MAP4K3: variants seen among roughly 807,000 people sequenced by gnomAD.
The protein encoded by MAP4K3 is MAPK/ERK kinase kinase kinase 3.
A neutral mutation model predicts 143.5 loss-of-function variants in MAP4K3; 94 were observed. The observed-to-expected ratio is 0.65, with a 90% CI of 0.55 to 0.78. MAP4K3 has a LOEUF of 0.78. Among genes scored for constraint, MAP4K3 ranks in the 30% least tolerant of loss-of-function variants. MAP4K3 has a pLI of 0.00. For missense variants in MAP4K3, 1,077 were observed against 1,068.1 expected, an observed-to-expected ratio of 1.01 and a Z score of -0.12; for synonymous variants, 416 against 347.2, an observed-to-expected ratio of 1.20 and a Z score of -2.20.
rs769730017 is a variant in MAP4K3 at position 39,299,730 on chromosome 2, G to T, written c.1178+13C>A. On this transcript the variant is annotated intron_variant, in intron 16 of 33. Transcript: ENST00000263881. ...CTTGAATTTAAATTAAGTTTTAAAA[G>T]AACTTTACTTACTTGTTTGCACCTA... is the stretch of plus-strand genomic sequence containing the variant. 4 of 1,498,112 alleles carry T rather than the reference G, an allele frequency of 2.7e-6. No homozygotes were observed. Among genetic ancestry groups the T allele is most frequent in the Admixed American group, 2.1e-5 (1 of 46,748 alleles). 92.8% of individuals were successfully genotyped at this position (1,498,112 alleles called of 1,614,324 possible).
chr2:39,268,561 TC>T (rs772164435), intron 26 of MAP4K3, among the ~76,000 whole-genome samples: 141 of 151,424 alleles, frequency 9.3e-4, no homozygotes, highest in Admixed American at 3.0e-3. Context: ...GCTCAGGTGA[TC>T]CGTCCGCCTC....
chr2:39,334,635 T>C (rs1001275827), intron 6 of MAP4K3, among the ~76,000 whole-genome samples: 39 of 152,146 alleles, frequency 2.6e-4, no homozygotes, highest in Non-Finnish European at 1.0e-4. Context: ...TTGGCCTTTC[T>C]TCAGCTCAGA....
chr2:39,406,027 AT>A (rs1247769368), intron 1 of MAP4K3, among the ~76,000 whole-genome samples: 1 of 152,124 alleles, frequency 6.6e-6, no homozygotes, highest in Non-Finnish European at 1.5e-5. Flanking sequence ...TATCAGATAA[AT>A]TTAACAAAGA....
intron 31 of MAP4K3, among the ~76,000 whole-genome samples, chr2:39,254,860 A>AT (rs1680287521): frequency 6.6e-6 from 1 of 152,214 alleles, no homozygotes; most frequent in African/African-American, 2.4e-5. Context: ...GGTTAAAGCC[A>AT]TGAGCCACTG....
At chr2:39,422,266 T>A (rs1371781692) in intron 1 of MAP4K3, among the ~76,000 whole-genome samples, 1 of 152,116 alleles carries the variant, frequency 6.6e-6, no homozygotes, top group Non-Finnish European at 1.5e-5. Flanking sequence ...CTTTACCAAC[T>A]ACTCTTTCTG....
At chr2:39,274,776 G>A (rs186592072) in intron 24 of MAP4K3, among the ~76,000 whole-genome samples, 16 of 152,288 alleles carry the variant, frequency 1.1e-4, no homozygotes, top group Admixed American at 5.2e-4. Context: ...ATCTCATAGA[G>A]CTGAATAGTA....
Position 39,264,009 on chromosome 2 carries a change from A to T in MAP4K3, c.2136+1194T>A, listed in dbSNP as rs183233468. On this transcript the variant is annotated intron_variant, in intron 28 of 33. Transcript: ENST00000263881. Reference sequence around the variant, plus strand: ...GTATATCAGTATACAAGAATAACTGATATGATGAAACATTTTCATTTTGAT... The same window carrying T: ...GTATATCAGTATACAAGAATAACTGTTATGATGAAACATTTTCATTTTGAT... Among the ~76,000 whole-genome samples, 3 of 152,366 alleles carry T rather than the reference A, an allele frequency of 2.0e-5. No individual in the cohort carries two copies. The East Asian group carries it at 5.8e-4, about 29-fold the overall frequency.
chr2:39,384,149 G>C (rs192040857), intron 1 of MAP4K3, among the ~76,000 whole-genome samples: 11 of 152,044 alleles, frequency 7.2e-5, no homozygotes, highest in Non-Finnish European at 1.3e-4. Context: ...GAGTTGAGTA[G>C]CTAAGACAGA....
intron 3 of MAP4K3, among the ~76,000 whole-genome samples, chr2:39,346,749 A>G (rs1665304143): frequency 6.6e-6 from 1 of 152,188 alleles, no homozygotes. Flanking sequence ...TGGGTTTACT[A>G]ATGAGCTTAA....
chr2:39,415,983 ATAT>A (rs1667364618), intron 1 of MAP4K3, among the ~76,000 whole-genome samples: 6 of 78,316 alleles, frequency 7.7e-5, no homozygotes, highest in African/African-American at 1.7e-4. Context: ...AAAAAAAAAT[ATAT>A]ATATATATAT....
At chr2:39,281,970 C>A (rs1451866288) in intron 22 of MAP4K3, among the ~76,000 whole-genome samples, 1 of 151,874 alleles carries the variant, frequency 6.6e-6, no homozygotes, top group East Asian at 1.9e-4. Context: ...GAGGTGCACA[C>A]ATCACCTGAG....
At chr2:39,372,658 A>T (rs575738747) in intron 2 of MAP4K3, among the ~76,000 whole-genome samples, 1 of 152,128 alleles carries the variant, frequency 6.6e-6, no homozygotes, top group Non-Finnish European at 1.5e-5. Flanking sequence ...ATGCATTTTC[A>T]ACAAAGATAC....
intron 1 of MAP4K3, among the ~76,000 whole-genome samples, chr2:39,408,445 CAG>C (rs1045590951): frequency 5.3e-5 from 8 of 152,064 alleles, no homozygotes; most frequent in African/African-American, 1.9e-4. Flanking sequence ...AGAACACCAA[CAG>C]AGAGAATGTC....
Position 39,355,059 on chromosome 2 carries a change from T to C in MAP4K3, c.245+1190A>G, listed in dbSNP as rs111968249. ...CCTGGGCAACATAGTGAGATCCCCG[T>C]CTCTATAAAAAATACAAAAATTAGG... On this transcript the variant is annotated intron_variant, in intron 3 of 33. Coordinates refer to ENST00000263881, the MANE Select transcript of MAP4K3 (RefSeq NM_003618.4). Among the ~76,000 whole-genome samples the C allele has an allele frequency of 1.3e-3, 199 of 152,000 alleles. 3 individuals carry two copies. The highest frequency in any genetic ancestry group is 4.7e-3 in the African/African-American group (193 of 41,474).
intron 21 of MAP4K3, among the ~76,000 whole-genome samples, chr2:39,283,485 T>C (rs1681627558): frequency 6.6e-6 from 1 of 152,232 alleles, no homozygotes; most frequent in African/African-American, 2.4e-5. Context: ...TTTTTTCATA[T>C]CTATTTGTTG....
rs17023653 is a variant in MAP4K3, at chr2:39,311,962, G to A, written c.998-2443C>T. ...AAAGAGATCCATAAGTAGTGGTACA[G>A]AAATACAGTATTGAATGAAGAGCAA... On this transcript the variant is annotated intron_variant, in intron 13 of 33. Coordinates refer to ENST00000263881, the MANE Select transcript of MAP4K3 (RefSeq NM_003618.4). Among the ~76,000 whole-genome samples, 1,213 of 152,024 alleles carry A rather than the reference G, an allele frequency of 8.0e-3. 17 individuals carry two copies. Among genetic ancestry groups the A allele is most frequent in the African/African-American group, 0.028 (1,163 of 41,326 alleles).
intron 18 of MAP4K3, among the ~76,000 whole-genome samples, chr2:39,290,813 G>A (rs1335325228): frequency 6.6e-6 from 1 of 152,206 alleles, no homozygotes; most frequent in Non-Finnish European, 1.5e-5. Context: ...GCTCACGCCT[G>A]TAATTCCAGC....
intron 1 of MAP4K3, among the ~76,000 whole-genome samples, chr2:39,402,376 A>G (rs979644281): frequency 2.6e-5 from 4 of 152,212 alleles, no homozygotes; most frequent in African/African-American, 4.8e-5. Flanking sequence ...GAAGAAAACC[A>G]TAAACCTACA....
chr2:39,413,756 T>C (rs966221910), intron 1 of MAP4K3, among the ~76,000 whole-genome samples: 28 of 151,242 alleles, frequency 1.9e-4, no homozygotes, highest in African/African-American at 6.6e-4. Context: ...ACCTGTAGAG[T>C]TCTTGGCATA....
Sources: gnomAD v4.1 joint callset for allele counts (sites outside exome capture counted in the v4.1 genomes callset) on GRCh38, gnomAD v4.1.1 for gene constraint, MANE v1.5 for transcripts, NCBI Gene and HGNC (gene_info 2026-07-23, HGNC 2026-07-21) for gene names.